The following RPH3A variants were observed in gnomAD, a reference collection of about 807,000 sequenced individuals.
The protein encoded by RPH3A is rabphilin 3A.
In RPH3A, 48 loss-of-function variants were observed where a neutral mutation model predicts 102.2. The observed-to-expected ratio is 0.47, with a 90% confidence interval of 0.37 to 0.60. RPH3A has a LOEUF of 0.60. Ranked by LOEUF, RPH3A falls within the 20% of genes least tolerant of loss-of-function variation. The pLI is 0.00. For synonymous variants in RPH3A, 310 were observed against 324.3 expected (o/e 0.96, Z 0.47); for missense variants, 781 against 910.1 (o/e 0.86, Z 1.83).
intron 1 of RPH3A, among the ~76,000 whole-genome samples, chr12:112,637,605 T>C (rs11066365): frequency 0.47 from 71,291 of 152,046 alleles, 20,183 homozygotes; most frequent in Non-Finnish European, 0.63. Context: ...ATTATGCTAA[T>C]AGGAATAAAA....
At chr12:112,665,824 A>G (rs570733632) in intron 1 of RPH3A, among the ~76,000 whole-genome samples, 1 of 152,344 alleles carries the variant, frequency 6.6e-6, no homozygotes, top group East Asian at 1.9e-4. Context: ...TTCATTTGAT[A>G]AAAAGGAAGG....
intron 14 of RPH3A, among the ~76,000 whole-genome samples, chr12:112,880,257 A>G (rs2042885195): frequency 6.6e-6 from 1 of 152,198 alleles, no homozygotes; most frequent in South Asian, 2.1e-4. Flanking sequence ...AGAATATATC[A>G]TCATTTATTG....
chr12:112,846,235 A>G (rs1197049089), intron 4 of RPH3A, among the ~76,000 whole-genome samples: 1 of 152,238 alleles, frequency 6.6e-6, no homozygotes, highest in African/African-American at 2.4e-5. Context: ...TTGTGCAACC[A>G]TCCCTTCTGC....
At position 112,641,836 on chromosome 12, in the gene RPH3A, A is replaced by G. The variant is rs577216314; in HGVS notation, c.-140+66517A>G. On this transcript the variant is annotated intron_variant, in intron 1 of 21. Coordinates refer to the RPH3A transcript ENST00000543106. The stretch of plus-strand genomic sequence containing the variant: ...GCTTCTTTCCTTCCTTCATTCAATC[A>G]GGATTTAGTGAGCACATAACAGGAT... Among the ~76,000 whole-genome samples the G allele has an allele frequency of 9.2e-5, 14 of 152,356 alleles. No individual in the cohort carries two copies. In the South Asian group the frequency reaches 2.9e-3, roughly 32 times the overall value.
chr12:112,865,679 T>C, intron 6 of RPH3A, 136 bp downstream of exon 6: 1 of 941,208 alleles, frequency 1.1e-6, no homozygotes, highest in Non-Finnish European at 1.5e-6. Flanking sequence ...ATATGGTTTT[T>C]TTCTGGGATG....
At chr12:112,716,489 A>G (rs1477725297) in intron 1 of RPH3A, among the ~76,000 whole-genome samples, 1 of 152,260 alleles carries the variant, frequency 6.6e-6, no homozygotes, top group East Asian at 1.9e-4. Context: ...GTCTCTAGAT[A>G]CAGGAGGATG....
rs560122788 is a variant in RPH3A, at chr12:112,778,671, C to T, written c.-139-13472C>T. On this transcript the variant is annotated intron_variant, in intron 1 of 21. Transcript: ENST00000543106. ...AGGAATCAGTTTCTTACATTGCTCT[C>T]TCTCTTTTGCATAGGCGTCAACTTC... Among the ~76,000 whole-genome samples the T allele has an allele frequency of 6.6e-5, 10 of 152,282 alleles. No homozygotes were observed. The South Asian group carries it at 1.7e-3, about 25-fold the overall frequency.
rs546351658 is a variant in RPH3A, at chr12:112,648,253, G to A, written c.-140+72934G>A. ...TTACTTGACCTAATAACATAAATAT[G>A]TCACATAAAGGTATCATACATAATT... is the stretch of plus-strand genomic sequence containing the variant. On this transcript the variant is annotated intron_variant, in intron 1 of 21. Transcript: ENST00000543106. Among the ~76,000 whole-genome samples, 3 of 151,948 alleles carry A rather than the reference G, an allele frequency of 2.0e-5. No individual in the cohort carries two copies. In the South Asian group the frequency reaches 6.3e-4, roughly 32 times the overall value.
chr12:112,576,613 C>T (rs991516865), intron 1 of RPH3A, among the ~76,000 whole-genome samples: 1 of 152,228 alleles, frequency 6.6e-6, no homozygotes, highest in Non-Finnish European at 1.5e-5. Flanking sequence ...GCCTTGGCCT[C>T]CCAAAGTGCT....
intron 1 of RPH3A, among the ~76,000 whole-genome samples, chr12:112,646,054 A>C (rs571205134): frequency 4.6e-5 from 7 of 152,314 alleles, no homozygotes; most frequent in Admixed American, 3.9e-4. Context: ...CTGAGAAGAA[A>C]TGTATACCAT....
At chr12:112,746,017 C>G (rs937208410) in intron 1 of RPH3A, among the ~76,000 whole-genome samples, 5 of 152,186 alleles carry the variant, frequency 3.3e-5, no homozygotes, top group African/African-American at 1.2e-4. Context: ...TTGCAGTTTT[C>G]TCTTCTTAAA....
At chr12:112,865,291 C>A in intron 5 of RPH3A, 123 bp from the exon 6 acceptor site, 2 of 1,172,532 alleles carry the variant, frequency 1.7e-6, no homozygotes, top group Non-Finnish European at 2.4e-6. Flanking sequence ...GAGTTCACAA[C>A]TGTCATCAGA....
chr12:112,880,349 C>G (rs529296613), intron 14 of RPH3A, among the ~76,000 whole-genome samples: 1 of 152,146 alleles, frequency 6.6e-6, no homozygotes, highest in South Asian at 2.1e-4. Context: ...AACACTGCCC[C>G]TCCACCCCCG....
At chr12:112,878,951 AG>A (rs2136241981) in intron 13 of RPH3A, among the ~76,000 whole-genome samples, 167 bp from the exon 14 acceptor site, 1 of 152,344 alleles carries the variant, frequency 6.6e-6, no homozygotes, top group Non-Finnish European at 1.5e-5. Context: ...GAGTGCTCTA[AG>A]GTAGTGCAGG....
intron 2 of RPH3A, among the ~76,000 whole-genome samples, chr12:112,808,081 T>C (rs2041503153): frequency 6.6e-6 from 1 of 152,134 alleles, no homozygotes; most frequent in African/African-American, 2.4e-5. Flanking sequence ...AACCTAATGA[T>C]CTTTGCTCTT....
intron 1 of RPH3A, among the ~76,000 whole-genome samples, chr12:112,677,314 G>A (rs1173555208): frequency 4.0e-5 from 6 of 149,258 alleles, no homozygotes; most frequent in South Asian, 2.1e-4. Context: ...CAGCACATAG[G>A]TGTGGAGCCT....
intron 1 of RPH3A, among the ~76,000 whole-genome samples, chr12:112,615,728 C>T (rs1457117533): frequency 6.6e-6 from 1 of 152,140 alleles, no homozygotes; most frequent in African/African-American, 2.4e-5. Flanking sequence ...CCATAGTTAT[C>T]CACTGCTGCC....
chr12:112,707,466 A>C (rs1396849653), intron 1 of RPH3A, among the ~76,000 whole-genome samples: 9 of 152,234 alleles, frequency 5.9e-5, no homozygotes, highest in African/African-American at 2.2e-4. Context: ...TCACTTCTCC[A>C]AGATCACCCA....
At chr12:112,841,706 G>GTT (rs150878418) in intron 4 of RPH3A, among the ~76,000 whole-genome samples, 7,291 of 144,960 alleles carry the variant, frequency 0.05, 594 homozygotes, top group African/African-American at 0.17. Context: ...TTGTTTTTTT[G>GTT]GTTTTTTTTT....
Sources: gnomAD v4.1 joint callset for allele counts (sites outside exome capture counted in the v4.1 genomes callset) on GRCh38, gnomAD v4.1.1 for gene constraint, MANE v1.5 for transcripts, NCBI Gene and HGNC (gene_info 2026-07-23, HGNC 2026-07-21) for gene names.